ARHGEF1: variants seen among roughly 807,000 people sequenced by gnomAD.
The protein encoded by ARHGEF1 is Rho guanine nucleotide exchange factor 1.
ARHGEF1 carries 40 observed loss-of-function variants against 119.7 expected under a neutral mutation model. That is an observed-to-expected ratio of 0.33 (90% CI 0.26 to 0.44). The LOEUF (loss-of-function observed/expected upper bound fraction) is 0.44, where lower values mean the gene tolerates loss of function less well. Ranked by LOEUF, ARHGEF1 falls within the 20% of genes least tolerant of loss-of-function variation. ARHGEF1 has a pLI of 1.00. For missense variants in ARHGEF1, 976 were observed against 1,268.3 expected, an observed-to-expected ratio of 0.77 and a Z score of 3.50; for synonymous variants, 494 against 521.0, an observed-to-expected ratio of 0.95 and a Z score of 0.71.
In ARHGEF1 at chr19:41,883,988, AAAGG is replaced by A. The variant is rs1468871600; in HGVS notation, c.-20+704_-20+707del. On this transcript the variant is annotated intron_variant, in intron 1 of 28. Coordinates refer to ENST00000354532, the MANE Select transcript of ARHGEF1 (RefSeq NM_004706.4). The surrounding 1 kb of genome is among the most constrained non-coding windows in gnomAD (Gnocchi z 7.6). ...TCAAGACTATTGCTTTTCCGGTTCC[AAAGG>A]AAGGGGCTGGGGGTGGGAGACGGAG... Among the ~76,000 whole-genome samples the A allele has an allele frequency of 5.3e-5, 8 of 152,114 alleles. No individual in the cohort carries two copies. The highest frequency in any genetic ancestry group is 1.9e-4 in the African/African-American group (8 of 41,404).
At position 41,906,851 on chromosome 19, in the gene ARHGEF1, C is replaced by A; in HGVS notation, c.*17+48C>A. 2.8e-6 allele frequency: 4 copies of A among 1,448,988 alleles called. No individual in the cohort carries two copies. Among genetic ancestry groups the A allele is most frequent in the East Asian group, 2.4e-5 (1 of 42,392 alleles). 89.8% of individuals were successfully genotyped at this position (1,448,988 alleles called of 1,614,324 possible). On this transcript the variant is annotated intron_variant, in intron 28 of 28. Transcript: ENST00000354532. The surrounding 1 kb of genome is among the most constrained non-coding windows in gnomAD (Gnocchi z 4.5). ...AGGGCGCTGTCCTGAAAGGAGGGTC[C>A]CCCTCCAGAGCTCGCATCCCTACAG...
rs1599668951 is a variant in ARHGEF1, at chr19:41,907,413, A to G, written c.*326A>G. 2 of 1,529,964 alleles carry G rather than the reference A, an allele frequency of 1.3e-6. No individual in the cohort carries two copies. Among genetic ancestry groups the G allele is most frequent in the East Asian group, 4.9e-5 (2 of 40,726 alleles). The allele number at this position is 1,529,964 out of a possible 1,614,324, so 94.8% of individuals were successfully genotyped here. The stretch of plus-strand genomic sequence containing the variant: ...GCCTTCGCTCTGTTTTTATACCCTG[A>G]ATTGGAGGTTTATTTTTTAATATAT... On this transcript the variant is annotated 3_prime_UTR_variant, in exon 29 of 29. Transcript: ENST00000354532.
chr19:41,929,044 G>C (rs1377297097), intron 2 of ARHGEF1: 4 of 379,106 alleles, frequency 1.1e-5, no homozygotes, highest in Non-Finnish European at 2.2e-5. Context: ...GACAGACACA[G>C]ACACACACAC....
At chr19:41,920,526 CAT>C (rs1184981905), upstream of ARHGEF1, among the ~76,000 whole-genome samples, 4 of 151,290 alleles carry the variant, frequency 2.6e-5, no homozygotes, top group African/African-American at 4.9e-5. Flanking sequence ...CGCTCACAGA[CAT>C]GATGCACTCA....
intron 13 of ARHGEF1, 146 bp from the exon 14 acceptor site, chr19:41,898,296 C>T: frequency 7.3e-7 from 1 of 1,362,242 alleles, no homozygotes; most frequent in Non-Finnish European, 9.9e-7. Flanking sequence ...CTAGTGTGGT[C>T]CGATCTAGAG....
chr19:41,908,272 C>T, downstream of ARHGEF1: 1 of 1,231,588 alleles, frequency 8.1e-7, no homozygotes, highest in Non-Finnish European at 1.0e-6. The surrounding 1 kb of genome is among the most constrained non-coding windows in gnomAD (Gnocchi z 6.7). Context: ...TTGGGGGGTG[C>T]CGGGAGACCC....
upstream of ARHGEF1, among the ~76,000 whole-genome samples, chr19:41,919,413 A>G (rs1016935185): frequency 2.6e-5 from 4 of 152,290 alleles, no homozygotes; most frequent in Admixed American, 2.6e-4. Context: ...AGTGCTCTTT[A>G]GGGCTGGACA....
Position 41,892,084 on chromosome 19 carries a change from C to T in ARHGEF1, c.285C>T (p.Ala95=). The change falls in exon 5 of 29, where the codon GCC becomes GCT. Residue 95 remains alanine, a synonymous_variant. Transcript: ENST00000354532. This position sits in a 1 kb window ranked among gnomAD's most constrained non-coding sequence, Gnocchi z 6.3. ...GSLGPKEAKK[A]FLDFYHSFLE... ...TGGGCCCCAAGGAGGCCAAGAAGGC[C>T]TTCCTGGACTTCTACCACAGCTTCC... 1.2e-6 allele frequency: 2 copies of T among 1,613,386 alleles called. No individual in the cohort carries two copies. The highest frequency in any genetic ancestry group is 1.7e-6 in the Non-Finnish European group (2 of 1,179,540).
Position 41,892,641 on chromosome 19 carries a change from C to A in ARHGEF1, c.406C>A (p.Arg136=), listed in dbSNP as rs782379982. The A allele has an allele frequency of 5.0e-6, 8 of 1,611,678 alleles. No individual in the cohort carries two copies. Among genetic ancestry groups the A allele is most frequent in the South Asian group, 1.1e-5 (1 of 90,856 alleles). ...RADLISEDVQ[R]RFVQEVVQSQ... ...TGACCTCATCTCCGAGGATGTCCAG[C>A]GGCGGTTCGTGCAGGAGGTGGTGCA... is the stretch of plus-strand genomic sequence containing the variant. The change falls in exon 7 of 29, where the codon CGG becomes AGG. Residue 136 remains arginine (R), a synonymous_variant. Coordinates refer to ENST00000354532, the MANE Select transcript of ARHGEF1 (RefSeq NM_004706.4). This position sits in a 1 kb window ranked among gnomAD's most constrained non-coding sequence, Gnocchi z 6.3.
At chr19:41,897,191 G>T in intron 13 of ARHGEF1, 2 of 984,178 alleles carry the variant, frequency 2.0e-6, no homozygotes, top group Non-Finnish European at 2.8e-6. Context: ...CCTTACAGCT[G>T]GGGGGCAGGC....
chr19:41,926,764 G>C (rs1388163409), intron 1 of ARHGEF1, among the ~76,000 whole-genome samples: 2 of 152,306 alleles, frequency 1.3e-5, no homozygotes, highest in South Asian at 2.1e-4. Context: ...TCCGCGCGCC[G>C]CTTGTCTCTT....
intron 11 of ARHGEF1, among the ~76,000 whole-genome samples, chr19:41,895,016 G>C (rs1456786692): frequency 6.8e-6 from 1 of 147,770 alleles, no homozygotes; most frequent in Non-Finnish European, 1.5e-5. Flanking sequence ...CCCTGGGTCT[G>C]AGGGAGGAGC....
intron 13 of ARHGEF1, chr19:41,897,146 C>A: frequency 2.1e-6 from 1 of 480,920 alleles, no homozygotes; most frequent in South Asian, 1.7e-5. Flanking sequence ...CTCAACCCCC[C>A]ACCCCTCTGC....
chr19:41,905,423 G>A lies in ARHGEF1; in HGVS notation c.2336+162G>A, dbSNP rs782019183. 4.4e-5 allele frequency: 29 copies of A among 666,084 alleles called. No individual in the cohort carries two copies. The highest frequency in any genetic ancestry group is 8.1e-5 in the East Asian group (3 of 36,842). 41.3% of individuals were successfully genotyped at this position (666,084 alleles called of 1,614,324 possible). On this transcript the variant is annotated intron_variant, in intron 24 of 28. Transcript: ENST00000354532. The surrounding 1 kb of genome is among the most constrained non-coding windows in gnomAD (Gnocchi z 6.4). ...TCTGTACGCAAGTATGTGACTGTGC[G>A]TGCATATATAGTGTGTGTATGCATG...
chr19:41,909,731 T>G (rs1599670912), downstream of ARHGEF1: 2 of 1,036,524 alleles, frequency 1.9e-6, no homozygotes, highest in Non-Finnish European at 2.7e-6. This position sits in a 1 kb window ranked among gnomAD's most constrained non-coding sequence, Gnocchi z 5.2. Context: ...CAAGTAGCGA[T>G]GGTGGCTACT....
Position 41,903,988 on chromosome 19 carries a change from A to G in ARHGEF1, c.1918-47A>G, listed in dbSNP as rs782476785. On this transcript the variant is annotated intron_variant, in intron 20 of 28. Coordinates refer to ENST00000354532, the MANE Select transcript of ARHGEF1 (RefSeq NM_004706.4). This position sits in a 1 kb window ranked among gnomAD's most constrained non-coding sequence, Gnocchi z 4.2. ...GCCCTTCCCCTCCCCACCAACCCCA[A>G]TCACCCCCTGCCAACCTGCACAAAC... 6 of 1,568,118 alleles carry G rather than the reference A, an allele frequency of 3.8e-6. No homozygotes were observed.
downstream of ARHGEF1, among the ~76,000 whole-genome samples, chr19:41,911,277 G>GTGT (rs1568829956): frequency 6.6e-6 from 1 of 152,172 alleles, no homozygotes; most frequent in Non-Finnish European, 1.5e-5. Context: ...TCCAACTTCT[G>GTGT]TGTTCACTCT....
At position 41,905,480 on chromosome 19, in the gene ARHGEF1, GGTGT is replaced by G. The variant is rs35081387; in HGVS notation, c.2336+226_2336+229del. ...TGCGTGTGCATGTGTGTGCGTGTAT[GGTGT>G]GTGTGTATGCATATGTGTGCATGCG... On this transcript the variant is annotated intron_variant, in intron 24 of 28. Transcript: ENST00000354532. This position sits in a 1 kb window ranked among gnomAD's most constrained non-coding sequence, Gnocchi z 6.4. 3.6e-5 allele frequency: 22 copies of G among 614,332 alleles called. No homozygotes were observed. The highest frequency in any genetic ancestry group is 4.6e-5 in the Non-Finnish European group (16 of 349,078). 38.1% of individuals were successfully genotyped at this position (614,332 alleles called of 1,614,324 possible).
intron 4 of ARHGEF1, among the ~76,000 whole-genome samples, chr19:41,890,988 C>G (rs969211453): frequency 2.0e-5 from 3 of 152,210 alleles, no homozygotes; most frequent in Admixed American, 2.0e-4. Context: ...ATGAGAGCCC[C>G]CAGGAGCCAG....
Sources: gnomAD v4.1 joint callset for allele counts (sites outside exome capture counted in the v4.1 genomes callset) on GRCh38, gnomAD v4.1.1 for gene constraint, Gnocchi (gnomAD v3.1) non-coding constraint, MANE v1.5 for transcripts, NCBI Gene and HGNC (gene_info 2026-07-23, HGNC 2026-07-21) for gene names.